PTCD1: variants seen among roughly 807,000 people sequenced by gnomAD.
PTCD1 encodes pentatricopeptide repeat domain 1.
Under a neutral mutation model 53.4 loss-of-function variants are expected in PTCD1, and 50 were observed. That is an observed-to-expected ratio of 0.94 (90% CI 0.75 to 1.19). The LOEUF is 1.19. Ranked by LOEUF, PTCD1 falls within the 50% of genes most tolerant of loss-of-function variation. The probability of loss-of-function intolerance (pLI) is 0.00; values close to 1 mark genes in which losing one functional copy is unlikely to be tolerated. For synonymous variants in PTCD1, 413 were observed against 394.8 expected, an observed-to-expected ratio of 1.05 and a Z score of -0.55; for missense variants, 918 against 904.8, an observed-to-expected ratio of 1.01 and a Z score of -0.19.
Position 99,426,334 on chromosome 7 carries a change from C to T in PTCD1, c.916-718G>A, listed in dbSNP as rs1011267259. On this transcript the variant is annotated intron_variant, in intron 5 of 7. Transcript: ENST00000292478. Reference sequence around the variant, plus strand: ...CCTGCCGAGTACCTGCGATTGCAGGCGCGCGCCACCACGCCTGACTGGTTT... The same window carrying T: ...CCTGCCGAGTACCTGCGATTGCAGGTGCGCGCCACCACGCCTGACTGGTTT... Among the ~76,000 whole-genome samples, 54 of 152,176 alleles carry T rather than the reference C, an allele frequency of 3.5e-4. 2 individuals carry two copies. Among genetic ancestry groups the T allele is most frequent in the South Asian group, 2.1e-4 (1 of 4,828 alleles).
chr7:99,417,113 G>A lies in PTCD1; in HGVS notation c.*2854C>T. On this transcript the variant is annotated 3_prime_UTR_variant, in exon 8 of 8. Coordinates refer to ENST00000292478, the MANE Select transcript of PTCD1 (RefSeq NM_015545.4). ...TCGCTGTCACCCAGGCTGGAGTCCA[G>A]TGGCACGACCTCAGGTCACTACAAC... 1 of 271,594 alleles carries A rather than the reference G, an allele frequency of 3.7e-6. No individual in the cohort carries two copies. The allele number at this position is 271,594 out of a possible 1,614,324, so 16.8% of individuals were successfully genotyped here.
intron 6 of PTCD1, 94 bp downstream of exon 6, chr7:99,424,701 G>A: frequency 6.7e-7 from 1 of 1,484,180 alleles, no homozygotes; most frequent in Admixed American, 1.9e-5. Flanking sequence ...ATCCTCTCCA[G>A]GTGGGGGGTC....
At chr7:99,422,648 A>G (rs1399947650) in intron 7 of PTCD1, among the ~76,000 whole-genome samples, 1 of 152,222 alleles carries the variant, frequency 6.6e-6, no homozygotes, top group African/African-American at 2.4e-5. Context: ...GACATAGATA[A>G]GCAAACTGGA....
chr7:99,438,697 G>A lies in PTCD1; in HGVS notation c.-32C>T. The A allele has an allele frequency of 7.8e-7, 1 of 1,281,412 alleles. No homozygotes were observed. The highest frequency in any genetic ancestry group is 2.1e-4 in the Middle Eastern group (1 of 4,700). 79.4% of individuals were successfully genotyped at this position (1,281,412 alleles called of 1,614,324 possible). A position where few individuals can be genotyped will look rare whatever the true frequency, so the allele number is the denominator to read the frequency against. ...AGGATCACACAGGAACTCACTTGAA[G>A]TGTCCGGCGCAGTGCACTCCGACGG... On this transcript the variant is annotated 5_prime_UTR_variant, in exon 1 of 8. Transcript: ENST00000292478.
Position 99,425,056 on chromosome 7 carries a change from T to G in PTCD1, c.1476A>C (p.Leu492=). ...RQQPDIRTLT[L]LAEVVESGSP... is the part of the protein sequence containing the mutation. ...TCCCGGACTCCACCACCTCGGCCAG[T>G]AGCGTGAGGGTCCTGATGTCGGGCT... Residue 492 remains leucine, a synonymous_variant, in exon 6 of 8, where the codon CTA becomes CTC. Coordinates refer to ENST00000292478, the MANE Select transcript of PTCD1 (RefSeq NM_015545.4). 1 of 1,614,134 alleles carries G rather than the reference T, an allele frequency of 6.2e-7. No homozygotes were observed. Among genetic ancestry groups the G allele is most frequent in the Non-Finnish European group, 8.5e-7 (1 of 1,180,012 alleles).
At chr7:99,425,677 C>T in intron 5 of PTCD1, 61 bp from the exon 6 acceptor site, 1 of 1,552,202 alleles carries the variant, frequency 6.4e-7, no homozygotes, top group South Asian at 1.2e-5. Context: ...GCGCAGGGCT[C>T]ACGCCTGGAA....
chr7:99,421,572 G>A (rs1485929845), intron 7 of PTCD1, among the ~76,000 whole-genome samples: 9 of 146,700 alleles, frequency 6.1e-5, no homozygotes, highest in South Asian at 2.1e-4. Context: ...GTGAAACCCC[G>A]TCTCTACTAA....
intron 2 of PTCD1, 40 bp from the exon 3 acceptor site, chr7:99,433,458 C>A: frequency 6.2e-7 from 1 of 1,613,632 alleles, no homozygotes; most frequent in Non-Finnish European, 8.5e-7. Flanking sequence ...TCAGAATGGC[C>A]CCAGAGACCC....
intron 3 of PTCD1, among the ~76,000 whole-genome samples, chr7:99,432,317 T>C (rs1796290472): frequency 6.6e-6 from 1 of 152,226 alleles, no homozygotes; most frequent in Admixed American, 6.5e-5. Flanking sequence ...TTGTGTGTTC[T>C]ATTTACTGAG....
chr7:99,419,281 T>C lies in PTCD1; in HGVS notation c.*686A>G, dbSNP rs1294342256. On this transcript the variant is annotated 3_prime_UTR_variant, in exon 8 of 8. Transcript: ENST00000292478. ...GTCAAGGAAGGGTTTCTGAGGTGTG[T>C]CCCTATATGGCATGGTGGCAGGTCC... 3.0e-6 allele frequency: 4 copies of C among 1,339,310 alleles called. No individual in the cohort carries two copies. The highest frequency in any genetic ancestry group is 2.9e-5 in the African/African-American group (2 of 69,754). The allele number at this position is 1,339,310 out of a possible 1,614,324, so 83.0% of individuals were successfully genotyped here. A position where few individuals can be genotyped will look rare whatever the true frequency, so the allele number is the denominator to read the frequency against.
intron 5 of PTCD1, among the ~76,000 whole-genome samples, chr7:99,428,718 G>A (rs936012129): frequency 6.6e-6 from 1 of 152,146 alleles, no homozygotes; most frequent in Admixed American, 6.5e-5. Flanking sequence ...CTGGGCAAGA[G>A]TGAGACTCCA....
rs141085985 is a variant in PTCD1 at position 99,437,592 on chromosome 7, C to T, written c.-27+1100G>A. On this transcript the variant is annotated intron_variant, in intron 1 of 7. Transcript: ENST00000292478. Reference sequence around the variant, plus strand: ...TGCTGGGATTACAGCCGTGAGCCACCGCGCCCGGCCGACTCTATCATAATT... The same window carrying T: ...TGCTGGGATTACAGCCGTGAGCCACTGCGCCCGGCCGACTCTATCATAATT... 3.2e-3 allele frequency among the ~76,000 whole-genome samples: 491 copies of T among 152,232 alleles called. 3 individuals are homozygous for T. The highest frequency in any genetic ancestry group is 0.011 in the African/African-American group (448 of 41,546).
Position 99,419,660 on chromosome 7 carries a change from C to T in PTCD1, c.*307G>A, listed in dbSNP as rs181581199. ...CAGAGCATCGGCCTATGGAACCCGG[C>T]GGGGCGGCCCAGGCCCCAGGGACCA... On this transcript the variant is annotated 3_prime_UTR_variant, in exon 8 of 8. Coordinates refer to ENST00000292478, the MANE Select transcript of PTCD1 (RefSeq NM_015545.4). The T allele has an allele frequency of 1.4e-3, 985 of 723,978 alleles. No homozygotes were observed. The highest frequency in any genetic ancestry group is 3.0e-3 in the Admixed American group (105 of 34,914). 44.8% of individuals were successfully genotyped at this position (723,978 alleles called of 1,614,324 possible). A position where few individuals can be genotyped will look rare whatever the true frequency, so the allele number is the denominator to read the frequency against.
intron 3 of PTCD1, 116 bp from the exon 4 acceptor site, chr7:99,429,922 A>G: frequency 4.6e-6 from 6 of 1,294,706 alleles, no homozygotes; most frequent in Non-Finnish European, 6.5e-6. Context: ...CCACCAGGCC[A>G]GGCTCTAAGG....
chr7:99,429,861 G>A (rs1164948258), intron 3 of PTCD1, 55 bp from the exon 4 acceptor site: 1 of 1,604,642 alleles, frequency 6.2e-7, no homozygotes, highest in African/African-American at 1.3e-5. Flanking sequence ...ACGCACAGGT[G>A]AGCAGCTGCC....
At position 99,418,997 on chromosome 7, in the gene PTCD1, T is replaced by A; in HGVS notation, c.*970A>T. The A allele has an allele frequency of 4.2e-6, 1 of 235,880 alleles. No individual in the cohort carries two copies. The allele number at this position is 235,880 out of a possible 1,614,324, so 14.6% of individuals were successfully genotyped here. On this transcript the variant is annotated 3_prime_UTR_variant, in exon 8 of 8. Coordinates refer to ENST00000292478, the MANE Select transcript of PTCD1 (RefSeq NM_015545.4). ...TCAAGTGCATAGTCTCCTGCCCTCTTCCCCCACCAGAGTGTACCAGCCCAG... is the reference window on the plus strand; with the variant it reads ...TCAAGTGCATAGTCTCCTGCCCTCTACCCCCACCAGAGTGTACCAGCCCAG...
At chr7:99,430,353 C>T (rs993713181) in intron 3 of PTCD1, among the ~76,000 whole-genome samples, 1 of 152,224 alleles carries the variant, frequency 6.6e-6, no homozygotes, top group South Asian at 2.1e-4. Context: ...ACTCAGCTTA[C>T]TGAGCCTCCA....
chr7:99,424,728 T>C, intron 6 of PTCD1, 67 bp downstream of exon 6: 2 of 1,590,460 alleles, frequency 1.3e-6, no homozygotes, highest in Admixed American at 3.6e-5. Context: ...CCCCTCAAAC[T>C]TTCCTCCTGA....
chr7:99,434,872 G>C lies in PTCD1; in HGVS notation c.371C>G (p.Pro124Arg), dbSNP rs746302567. ...CCGGCCTCGCCATAATTTGGGCTCCGGTTCCATTTGCTCATCTCTCCGTTC... is the reference window on the plus strand; with the variant it reads ...CCGGCCTCGCCATAATTTGGGCTCCCGTTCCATTTGCTCATCTCTCCGTTC... Reference protein sequence around the residue: ...FGERRDEQMEPEPKLWRGRRN... With the variant: ...FGERRDEQMEREPKLWRGRRN... Residue 124 changes from proline (P) to arginine (R), a missense_variant, in exon 2 of 8, where the codon CCG (proline) becomes CGG (arginine). Physicochemically the swap from Pro to Arg is moderately radical, Grantham distance 103. Transcript: ENST00000292478. The C allele has an allele frequency of 1.2e-6, 2 of 1,614,064 alleles. No individual in the cohort carries two copies. The highest frequency in any genetic ancestry group is 2.7e-5 in the African/African-American group (2 of 74,920).
Sources: allele counts gnomAD v4.1 joint callset (sites outside exome capture counted in the v4.1 genomes callset), GRCh38; gene constraint gnomAD v4.1.1; transcripts MANE v1.5; gene names NCBI Gene and HGNC (gene_info 2026-07-23, HGNC 2026-07-21).